Variants in GRID1 observed in about 807,000 individuals in gnomAD.
GRID1 encodes the protein glutamate ionotropic receptor delta type subunit 1.
GRID1 carries 28 observed loss-of-function variants against 98.0 expected under a neutral mutation model. The observed-to-expected ratio is 0.29, with a 90% CI of 0.21 to 0.39. The LOEUF is 0.39. Ranked by LOEUF, GRID1 falls within the 10% of genes least tolerant of loss-of-function variation. GRID1 has a pLI of 1.00. For synonymous variants in GRID1, 553 were observed against 538.5 expected, an observed-to-expected ratio of 1.03 and a Z score of -0.37; for missense variants, 1,111 against 1,340.5, an observed-to-expected ratio of 0.83 and a Z score of 2.67.
chr10:85,665,103 G>C (rs1214750154), intron 12 of GRID1, among the ~76,000 whole-genome samples: 1 of 152,110 alleles, frequency 6.6e-6, no homozygotes, highest in Non-Finnish European at 1.5e-5. Context: ...TGTTGTTAAG[G>C]TAATTTCCCT....
chr10:86,328,751 T>C (rs1304007280), intron 2 of GRID1, among the ~76,000 whole-genome samples: 2 of 152,132 alleles, frequency 1.3e-5, no homozygotes, highest in South Asian at 2.1e-4. Flanking sequence ...CTATGTGTGC[T>C]TGGCAAGAAC....
intron 3 of GRID1, among the ~76,000 whole-genome samples, chr10:86,172,658 T>C (rs1443851826): frequency 2.0e-5 from 3 of 152,214 alleles, no homozygotes; most frequent in South Asian, 2.1e-4. Context: ...ACTCGATTGA[T>C]AGTTTCCTGT....
chr10:85,807,570 A>T (rs76676580), intron 8 of GRID1, among the ~76,000 whole-genome samples: 5,017 of 152,198 alleles, frequency 0.033, 125 homozygotes, highest in Non-Finnish European at 0.047. Flanking sequence ...AAAAATGAGA[A>T]ATGGAAATGA....
intron 4 of GRID1, among the ~76,000 whole-genome samples, chr10:86,030,017 T>C (rs1162939199): frequency 6.6e-6 from 1 of 152,244 alleles, no homozygotes; most frequent in Non-Finnish European, 1.5e-5. Context: ...AACTGAAATA[T>C]TGGACAGAGA....
intron 11 of GRID1, among the ~76,000 whole-genome samples, chr10:85,723,476 G>A (rs1244339329): frequency 6.6e-6 from 1 of 152,164 alleles, no homozygotes; most frequent in African/African-American, 2.4e-5. Context: ...AGAACTTCTA[G>A]GGCTGCAGCC....
At chr10:86,133,882 A>T (rs1369351300) in intron 4 of GRID1, among the ~76,000 whole-genome samples, 1 of 152,240 alleles carries the variant, frequency 6.6e-6, no homozygotes, top group African/African-American at 2.4e-5. Context: ...CTCCTTGTGA[A>T]CTGGAAAGAA....
intron 4 of GRID1, among the ~76,000 whole-genome samples, chr10:85,945,679 A>C (rs1430615694): frequency 6.6e-6 from 1 of 152,220 alleles, no homozygotes; most frequent in Admixed American, 6.5e-5. Context: ...TGGGCTAGAA[A>C]ATTCTGTTTC....
intron 2 of GRID1, among the ~76,000 whole-genome samples, chr10:86,244,860 C>T (rs1433507839): frequency 3.9e-5 from 6 of 152,186 alleles, no homozygotes; most frequent in Non-Finnish European, 7.3e-5. Context: ...ATCTTTCATC[C>T]CCTAATTAAC....
intron 8 of GRID1, among the ~76,000 whole-genome samples, chr10:85,832,042 G>T (rs955745005): frequency 4.7e-5 from 7 of 148,818 alleles, no homozygotes; most frequent in African/African-American, 1.7e-4. Flanking sequence ...CAAAAATCAG[G>T]GTAAGAAAAC....
At chr10:86,033,533 C>G (rs1377498483) in intron 4 of GRID1, among the ~76,000 whole-genome samples, 2 of 152,224 alleles carry the variant, frequency 1.3e-5, no homozygotes, top group South Asian at 2.1e-4. Context: ...GGGAGACCAC[C>G]TGAAGCCCTT....
intron 2 of GRID1, among the ~76,000 whole-genome samples, chr10:86,356,620 G>C (rs941190547): frequency 2.0e-5 from 3 of 152,230 alleles, no homozygotes; most frequent in African/African-American, 7.2e-5. Flanking sequence ...GACCGGCAAT[G>C]GACACACAGC....
chr10:85,741,043 C>T (rs560182967), intron 8 of GRID1, among the ~76,000 whole-genome samples: 8 of 152,222 alleles, frequency 5.3e-5, no homozygotes, highest in East Asian at 1.9e-4. Flanking sequence ...TGAGCCACTG[C>T]GCCCAGCCCA....
intron 4 of GRID1, among the ~76,000 whole-genome samples, chr10:85,931,353 C>T (rs755409197): frequency 1.3e-5 from 2 of 152,156 alleles, no homozygotes; most frequent in Non-Finnish European, 2.9e-5. Flanking sequence ...TGTCCTTTAA[C>T]TCTGAAATAT....
intron 4 of GRID1, among the ~76,000 whole-genome samples, chr10:85,964,679 A>G (rs559487725): frequency 1.1e-4 from 16 of 152,340 alleles, no homozygotes; most frequent in African/African-American, 3.8e-4. Flanking sequence ...ACCTAAAACC[A>G]TAAAAACCCT....
rs536674759 is a variant in GRID1 at position 86,104,255 on chromosome 10, G to C, written c.726+34564C>G. Reference sequence around the variant, plus strand: ...CTGGCCAGCCCAGCTCAGAGCTCAGGGTGCAGTTGGGACCCCAGACCCAAC... The same window carrying C: ...CTGGCCAGCCCAGCTCAGAGCTCAGCGTGCAGTTGGGACCCCAGACCCAAC... On this transcript the variant is annotated intron_variant, in intron 4 of 15. Coordinates refer to ENST00000327946, the MANE Select transcript of GRID1 (RefSeq NM_017551.3). 5.3e-5 allele frequency among the ~76,000 whole-genome samples: 8 copies of C among 152,288 alleles called. No individual in the cohort carries two copies. The South Asian group carries it at 1.7e-3, about 32-fold the overall frequency.
rs1373100582 is a variant in GRID1, at chr10:86,174,819, A to G, written c.520+31545T>C. Among the ~76,000 whole-genome samples the G allele has an allele frequency of 2.0e-5, 3 of 152,054 alleles. No individual in the cohort carries two copies. In the East Asian group the frequency reaches 5.8e-4, roughly 29 times the overall value. Reference sequence around the variant, plus strand: ...AGAAAAAAACAAACAACCCCATCAAAAAGTGGGTGAAGGACATCAACAGAC... The same window carrying G: ...AGAAAAAAACAAACAACCCCATCAAGAAGTGGGTGAAGGACATCAACAGAC... On this transcript the variant is annotated intron_variant, in intron 3 of 15. Transcript: ENST00000327946.
At chr10:86,121,423 A>G (rs967143925) in intron 4 of GRID1, among the ~76,000 whole-genome samples, 10 of 151,906 alleles carry the variant, frequency 6.6e-5, no homozygotes, top group Non-Finnish European at 1.3e-4. Flanking sequence ...CATCATTATC[A>G]CCATTATCAT....
At chr10:86,001,672 T>G (rs578175740) in intron 4 of GRID1, among the ~76,000 whole-genome samples, 1 of 152,204 alleles carries the variant, frequency 6.6e-6, no homozygotes, top group East Asian at 1.9e-4. Context: ...AAGTTTAGCA[T>G]CCAATGATCC....
intron 13 of GRID1, among the ~76,000 whole-genome samples, chr10:85,624,149 G>A (rs960348454): frequency 6.6e-6 from 1 of 152,212 alleles, no homozygotes; most frequent in African/African-American, 2.4e-5. Flanking sequence ...GTGGTGAGCT[G>A]TTTGCAAATA....
Sources: allele counts gnomAD v4.1 joint callset (sites outside exome capture counted in the v4.1 genomes callset), GRCh38; gene constraint gnomAD v4.1.1; transcripts MANE v1.5; gene names NCBI Gene and HGNC (gene_info 2026-07-23, HGNC 2026-07-21).